Variants in TEX2 observed in about 807,000 individuals in gnomAD.
The protein encoded by TEX2 is testis expressed 2, also known as testis-expressed protein 2.
TEX2 carries 53 observed loss-of-function variants against 106.9 expected under a neutral mutation model. That is an observed-to-expected ratio of 0.50 (90% CI 0.40 to 0.62). The LOEUF (loss-of-function observed/expected upper bound fraction) is 0.62. TEX2 is among the 20% of genes least tolerant of loss of function. The pLI is 0.00. For synonymous variants in TEX2, 523 were observed against 534.8 expected (o/e 0.98, Z 0.30); for missense variants, 1,207 against 1,379.0 (o/e 0.88, Z 1.98).
At chr17:64,169,492 G>A (rs1458015863) in intron 7 of TEX2, among the ~76,000 whole-genome samples, 1 of 152,172 alleles carries the variant, frequency 6.6e-6, no homozygotes. Flanking sequence ...TAATTGAGGG[G>A]TTACAGGTGA....
At chr17:64,196,633 A>G (rs569231333) in intron 2 of TEX2, among the ~76,000 whole-genome samples, 3 of 152,340 alleles carry the variant, frequency 2.0e-5, no homozygotes, top group Non-Finnish European at 4.4e-5. Context: ...TACAGATCAC[A>G]GTGGGGCCTG....
intron 1 of TEX2, among the ~76,000 whole-genome samples, chr17:64,215,136 C>G (rs1555632507): frequency 6.6e-6 from 1 of 152,220 alleles, no homozygotes; most frequent in African/African-American, 2.4e-5. Context: ...GCCTGAAAAG[C>G]TGGGCAGCAA....
At chr17:64,179,795 A>G (rs4968697) in intron 5 of TEX2, among the ~76,000 whole-genome samples, 1 of 151,824 alleles carries the variant, frequency 6.6e-6, no homozygotes, top group Non-Finnish European at 1.5e-5. Flanking sequence ...TTAAAAAAGA[A>G]AGCATGCTGG....
intron 1 of TEX2, among the ~76,000 whole-genome samples, chr17:64,251,203 T>C (rs561220678): frequency 1.3e-5 from 2 of 152,190 alleles, no homozygotes; most frequent in South Asian, 2.1e-4. Context: ...CACTCAGGCA[T>C]GAGCTTACAG....
chr17:64,149,276 C>T, intron 11 of TEX2, 185 bp from the exon 12 acceptor site: 1 of 603,712 alleles, frequency 1.7e-6, no homozygotes. Context: ...CATACCAGCG[C>T]ATGGATACGA....
At chr17:64,181,430 C>T (rs917835166) in intron 5 of TEX2, among the ~76,000 whole-genome samples, 27 of 135,322 alleles carry the variant, frequency 2.0e-4, no homozygotes, top group Admixed American at 3.4e-4. Flanking sequence ...GGGCCGAGAC[C>T]GTGCCACTGT....
intron 1 of TEX2, among the ~76,000 whole-genome samples, chr17:64,261,113 CCT>C (rs1194965252): frequency 1.3e-5 from 2 of 152,070 alleles, no homozygotes; most frequent in South Asian, 2.1e-4. Flanking sequence ...GCAGTTCTCC[CCT>C]CTCTTTCCTC....
intron 5 of TEX2, among the ~76,000 whole-genome samples, chr17:64,182,094 A>C (rs1455189883): frequency 6.6e-6 from 1 of 152,170 alleles, no homozygotes; most frequent in East Asian, 1.9e-4. Context: ...CCACCGATGG[A>C]GGAATGGATA....
chr17:64,186,282 T>C (rs1291981445), intron 5 of TEX2, among the ~76,000 whole-genome samples: 1 of 81,376 alleles, frequency 1.2e-5, no homozygotes, highest in African/African-American at 4.4e-5. Context: ...AACAGGACCA[T>C]TTGTAGAAAA....
chr17:64,247,305 G>C (rs1253018224), intron 1 of TEX2, among the ~76,000 whole-genome samples: 1 of 151,438 alleles, frequency 6.6e-6, no homozygotes, highest in East Asian at 1.9e-4. Context: ...AAGAAAGAAA[G>C]AAGAAGGCAG....
intron 4 of TEX2, among the ~76,000 whole-genome samples, chr17:64,192,440 C>G (rs1306349564): frequency 6.6e-6 from 1 of 152,206 alleles, no homozygotes; most frequent in African/African-American, 2.4e-5. Flanking sequence ...CCACCAGAAG[C>G]TGCAAACACG....
intron 1 of TEX2, among the ~76,000 whole-genome samples, chr17:64,261,112 C>G (rs888526734): frequency 3.3e-5 from 5 of 152,038 alleles, no homozygotes; most frequent in Non-Finnish European, 5.9e-5. Flanking sequence ...TGCAGTTCTC[C>G]CCTCTCTTTC....
At chr17:64,231,624 TG>T (rs2033660670) in intron 1 of TEX2, among the ~76,000 whole-genome samples, 1 of 152,144 alleles carries the variant, frequency 6.6e-6, no homozygotes, top group African/African-American at 2.4e-5. Flanking sequence ...ATTATTAAGG[TG>T]GAAGGTGGTT....
intron 1 of TEX2, among the ~76,000 whole-genome samples, chr17:64,219,530 A>AATAAAATAAT (rs1278245846): frequency 2.7e-5 from 4 of 150,620 alleles, no homozygotes; most frequent in African/African-American, 9.8e-5. Flanking sequence ...AATAAAATAA[A>AATAAAATAAT]ATAAAATAAA....
chr17:64,230,708 CCT>C (rs2033638002), intron 1 of TEX2: 1 of 152,230 alleles, frequency 6.6e-6, no homozygotes, highest in Non-Finnish European at 1.5e-5. Flanking sequence ...ACTTCACCTC[CCT>C]GAGCCTGGGG....
chr17:64,153,126 T>C lies in TEX2; in HGVS notation c.2959A>G (p.Ile987Val). Residue 987 changes from isoleucine to valine, a missense_variant, in exon 10 of 12, where the codon ATT (isoleucine) becomes GTT (valine). Physicochemically the swap from Ile to Val is conservative, Grantham distance 29. Coordinates refer to ENST00000584379, the MANE Select transcript of TEX2 (RefSeq NM_001288732.2). This position sits in a 1 kb window ranked among gnomAD's most constrained non-coding sequence, Gnocchi z 4.1. The part of the protein sequence containing the change: ...GYVGGHRTSK[I>V]MRFVDKITKS... ...GTAATTTTATCAACAAACCTCATAA[T>C]CTTACTTGTTCGATGACCTCCAACG... 6.2e-7 allele frequency: 1 copy of C among 1,614,034 alleles called. No individual in the cohort carries two copies. The highest frequency in any genetic ancestry group is 1.1e-5 in the South Asian group (1 of 91,086).
intron 6 of TEX2, among the ~76,000 whole-genome samples, chr17:64,174,356 G>A (rs1372112522): frequency 2.5e-5 from 2 of 79,272 alleles, no homozygotes; most frequent in Non-Finnish European, 5.4e-5. Context: ...AGGAGGACTT[G>A]GCAGGGGAAG....
At chr17:64,177,583 C>T (rs547190759) in intron 5 of TEX2, 112 bp from the exon 6 acceptor site, 21 of 1,100,098 alleles carry the variant, frequency 1.9e-5, no homozygotes, top group Non-Finnish European at 2.2e-5. Context: ...GGAGACCACA[C>T]GAGTCATACT....
intron 1 of TEX2, among the ~76,000 whole-genome samples, chr17:64,222,535 A>G (rs997245538): frequency 3.3e-5 from 5 of 151,382 alleles, no homozygotes; most frequent in Admixed American, 2.6e-4. Flanking sequence ...AAAAAAAAAA[A>G]AGCAAAAATT....
Sources: gnomAD v4.1 joint callset for allele counts (sites outside exome capture counted in the v4.1 genomes callset) on GRCh38, gnomAD v4.1.1 for gene constraint, Gnocchi (gnomAD v3.1) non-coding constraint, MANE v1.5 for transcripts, NCBI Gene and HGNC (gene_info 2026-07-23, HGNC 2026-07-21) for gene names.